CELF2: variants seen among roughly 807,000 people sequenced by gnomAD.
The protein encoded by CELF2 is CUG triplet repeat RNA-binding protein 2.
A neutral mutation model predicts 62.6 loss-of-function variants in CELF2; 8 were observed. The ratio of observed to expected loss-of-function variants is 0.13; its 90% CI spans 0.07 to 0.23. CELF2 has a LOEUF of 0.23. Ranked by LOEUF, CELF2 falls within the 10% of genes least tolerant of loss-of-function variation. CELF2 has a pLI of 1.00. For missense variants in CELF2, 333 were observed against 671.0 expected (o/e 0.50, Z 5.56); for synonymous variants, 258 against 250.0 (o/e 1.03, Z -0.30).
chr10:11,019,719 G>A (rs908419209), intron 1 of CELF2, among the ~76,000 whole-genome samples: 3 of 152,054 alleles, frequency 2.0e-5, no homozygotes, highest in Non-Finnish European at 4.4e-5. Flanking sequence ...ATTCTGTTTT[G>A]GTAGTTTTCT....
rs1389079194 is a variant in CELF2 at position 11,336,261 on chromosome 10, CTG to C, written c.*7210_*7211del. ...AGCTTATTCACTTATCAGGAATCGA[CTG>C]TTCTGCTAATTTGCTGTTGTTGTTT... On this transcript the variant is annotated 3_prime_UTR_variant, in exon 13 of 13. Coordinates refer to ENST00000633077, the MANE Select transcript of CELF2 (RefSeq NM_001326342.2). This position sits in a 1 kb window ranked among gnomAD's most constrained non-coding sequence, Gnocchi z 5.4. 2 of 152,688 alleles carry C rather than the reference CTG, an allele frequency of 1.3e-5. No homozygotes were observed. Among genetic ancestry groups the C allele is most frequent in the East Asian group, 3.8e-4 (2 of 5,196 alleles). 9.5% of individuals were successfully genotyped at this position (152,688 alleles called of 1,614,324 possible). A position where few individuals can be genotyped will look rare whatever the true frequency, so the allele number is the denominator to read the frequency against.
Position 11,075,029 on chromosome 10 carries a change from CAGAAT to C in CELF2, c.74+56867_74+56871del, listed in dbSNP as rs2141130486. 6.6e-6 allele frequency: 1 copy of C among 152,322 alleles called. No homozygotes were observed. The highest frequency in any genetic ancestry group is 2.1e-4 in the South Asian group (1 of 4,828). The allele number at this position is 152,322 out of a possible 1,614,324, so 9.4% of individuals were successfully genotyped here. A position where few individuals can be genotyped will look rare whatever the true frequency, so the allele number is the denominator to read the frequency against. On this transcript the variant is annotated intron_variant, in intron 1 of 12. Transcript: ENST00000633077. This position sits in a 1 kb window ranked among gnomAD's most constrained non-coding sequence, Gnocchi z 5.4. ...GGCTGCAAGAACAACCTCTTTGACT[CAGAAT>C]GGAATTGAAAGATGCTTTCGATTCT... is the stretch of plus-strand genomic sequence containing the variant.
chr10:11,295,331 C>T (rs2093040448), intron 9 of CELF2, among the ~76,000 whole-genome samples: 1 of 152,220 alleles, frequency 6.6e-6, no homozygotes, highest in Admixed American at 6.5e-5. Context: ...CCTTTCTCTT[C>T]TAGCATCAGC....
In CELF2 at chr10:11,177,634, C is replaced by T. The variant is rs2071714178; in HGVS notation, c.271+11952C>T. On this transcript the variant is annotated intron_variant, in intron 2 of 12. Coordinates refer to ENST00000633077, the MANE Select transcript of CELF2 (RefSeq NM_001326342.2). This position sits in a 1 kb window ranked among gnomAD's most constrained non-coding sequence, Gnocchi z 4.8. ...CAGACAGCATGAAGTACCTCAACAG[C>T]AAAGAAGGAAATAGGGGCCTTAGTT... Among the ~76,000 whole-genome samples, 1 of 152,156 alleles carries T rather than the reference C, an allele frequency of 6.6e-6. No individual in the cohort carries two copies.
chr10:10,921,207 G>A (rs1027506560), intron 2 of CELF2, among the ~76,000 whole-genome samples: 14 of 151,920 alleles, frequency 9.2e-5, no homozygotes, highest in African/African-American at 2.7e-4. Context: ...CACCCGTCTC[G>A]GCCTCCCAAA....
chr10:11,071,809 C>T (rs1256784481), intron 1 of CELF2: 3 of 152,168 alleles, frequency 2.0e-5, no homozygotes, highest in African/African-American at 4.8e-5. Context: ...GTTCTTCTTA[C>T]CTGGGACCCC....
rs554012091 is a variant in CELF2 at position 11,219,497 on chromosome 10, T to C, written c.354+1990T>C. ...GGTGGATTATTTTTGGTTTTCTCCT[T>C]ATCTAGTTTCATATGCCCAATTACT... On this transcript the variant is annotated intron_variant, in intron 3 of 12. Coordinates refer to ENST00000633077, the MANE Select transcript of CELF2 (RefSeq NM_001326342.2). Among the ~76,000 whole-genome samples the C allele has an allele frequency of 5.9e-5, 9 of 152,340 alleles. No individual in the cohort carries two copies. In the South Asian group the frequency reaches 1.9e-3, roughly 32 times the overall value.
chr10:10,502,766 T>C, the CELF2 span, among the ~76,000 whole-genome samples: 7 of 151,986 alleles, frequency 4.6e-5, no homozygotes, highest in Non-Finnish European at 8.8e-5. Context: ...TTATGATTTC[T>C]TTCCTTTTGC....
chr10:10,961,677 C>A (rs372432319), intron 2 of CELF2, among the ~76,000 whole-genome samples: 1 of 151,230 alleles, frequency 6.6e-6, no homozygotes, highest in African/African-American at 2.4e-5. Flanking sequence ...GCCCAAGAGA[C>A]GGGGCAGAGA....
Position 10,823,939 on chromosome 10 carries a change from T to C in CELF2, c.53+25122T>C, listed in dbSNP as rs537446036. On this transcript the variant is annotated intron_variant, in intron 1 of 13. Transcript: ENST00000636488. The stretch of plus-strand genomic sequence containing the variant: ...GTGGATAGATGGGTAGATAGCTGAA[T>C]GGATGAATGGATAGATAGATCTAGC... 2.0e-5 allele frequency among the ~76,000 whole-genome samples: 3 copies of C among 152,178 alleles called. No homozygotes were observed. The East Asian group carries it at 5.8e-4, about 29-fold the overall frequency.
intron 1 of CELF2, among the ~76,000 whole-genome samples, chr10:11,059,803 C>A (rs964044627): frequency 1.3e-5 from 2 of 152,160 alleles, no homozygotes; most frequent in African/African-American, 4.8e-5. Flanking sequence ...CTCCCCCAAA[C>A]TAATTTTGTT....
chr10:10,503,836 C>G, the CELF2 span, among the ~76,000 whole-genome samples: 1 of 151,682 alleles, frequency 6.6e-6, no homozygotes, highest in African/African-American at 2.4e-5. Context: ...TTGTGGATTA[C>G]TTGAACAATT....
At position 11,010,607 on chromosome 10, in the gene CELF2, A is replaced by G. The variant is rs1342198846; in HGVS notation, c.53+5167A>G. On this transcript the variant is annotated intron_variant, in intron 1 of 12. Transcript: ENST00000416382. This position sits in a 1 kb window ranked among gnomAD's most constrained non-coding sequence, Gnocchi z 4.1. ...AAAGATGAAAAACTGAGCCCGAGAG[A>G]GGTAAAGTCACAGGCCCATAGACAC... is the stretch of plus-strand genomic sequence containing the variant. Among the ~76,000 whole-genome samples the G allele has an allele frequency of 6.6e-6, 1 of 152,216 alleles. No individual in the cohort carries two copies. Among genetic ancestry groups the G allele is most frequent in the Non-Finnish European group, 1.5e-5 (1 of 68,038 alleles).
intron 1 of CELF2, among the ~76,000 whole-genome samples, chr10:11,054,397 T>C (rs772391133): frequency 2.6e-5 from 4 of 152,206 alleles, no homozygotes; most frequent in Admixed American, 2.6e-4. Context: ...TGTAAGGTGC[T>C]AAGATTTTAT....
At chr10:11,002,809 A>G (rs566492874), upstream of CELF2, among the ~76,000 whole-genome samples, 87 of 150,546 alleles carry the variant, frequency 5.8e-4, no homozygotes, top group Middle Eastern at 3.4e-3. This position sits in a 1 kb window ranked among gnomAD's most constrained non-coding sequence, Gnocchi z 4.4. Context: ...CGTCAAGGTT[A>G]TTTTTTTTTT....
At chr10:11,283,887 G>A (rs2089984542) in intron 8 of CELF2, among the ~76,000 whole-genome samples, 2 of 150,446 alleles carry the variant, frequency 1.3e-5, no homozygotes, top group African/African-American at 2.4e-5. Flanking sequence ...ATGGAGGGGT[G>A]GGTGGATGAT....
At position 11,283,052 on chromosome 10, in the gene CELF2, G is replaced by A. The variant is rs927959360; in HGVS notation, c.842-5366G>A. ...TGAGTAGCTGGAACTATAGGCACAC[G>A]CTACCACACCTGGCTTATGAGCACG... On this transcript the variant is annotated intron_variant, in intron 8 of 12. Coordinates refer to ENST00000633077, the MANE Select transcript of CELF2 (RefSeq NM_001326342.2). Among the ~76,000 whole-genome samples the A allele has an allele frequency of 5.3e-5, 8 of 152,176 alleles. 1 individual carries two copies. In the South Asian group the frequency reaches 6.2e-4, roughly 12 times the overall value.
intron 1 of CELF2, among the ~76,000 whole-genome samples, chr10:10,844,676 T>A (rs2058900961): frequency 6.6e-6 from 1 of 152,154 alleles, no homozygotes; most frequent in Non-Finnish European, 1.5e-5. Flanking sequence ...TCTCTCTAGT[T>A]ATTCTTTGGG....
intron 5 of CELF2, among the ~76,000 whole-genome samples, chr10:11,259,701 A>AGCTGCCTTC (rs2137973584): frequency 6.6e-6 from 1 of 152,302 alleles, no homozygotes; most frequent in Non-Finnish European, 1.5e-5. Context: ...GCCAAGGGAT[A>AGCTGCCTTC]CTAGCATGCC....
Sources: gnomAD v4.1 joint callset for allele counts (sites outside exome capture counted in the v4.1 genomes callset) on GRCh38, gnomAD v4.1.1 for gene constraint, Gnocchi (gnomAD v3.1) non-coding constraint, MANE v1.5 for transcripts, NCBI Gene and HGNC (gene_info 2026-07-23, HGNC 2026-07-21) for gene names.